Variants in SORCS3 observed in about 807,000 individuals in gnomAD.
SORCS3 encodes sortilin related VPS10 domain containing receptor 3.
SORCS3 carries 57 observed loss-of-function variants against 146.3 expected under a neutral mutation model. The observed-to-expected ratio is 0.39, with a 90% CI of 0.31 to 0.49. The LOEUF (loss-of-function observed/expected upper bound fraction) is 0.49, where lower values mean the gene tolerates loss of function less well. SORCS3 is among the 20% of genes least tolerant of loss of function. The probability of loss-of-function intolerance (pLI) is 0.92; values close to 1 mark genes in which losing one functional copy is unlikely to be tolerated. For missense variants in SORCS3, 1,341 were observed against 1,575.5 expected, an observed-to-expected ratio of 0.85 and a Z score of 2.52; for synonymous variants, 653 against 618.5, an observed-to-expected ratio of 1.06 and a Z score of -0.83.
At chr10:104,754,235 G>T (rs2017021213) in intron 1 of SORCS3, among the ~76,000 whole-genome samples, 2 of 152,158 alleles carry the variant, frequency 1.3e-5, no homozygotes, top group African/African-American at 4.8e-5. Context: ...CCATCACACT[G>T]AGTTTCTCTG....
At chr10:104,842,592 A>C (rs576589566) in intron 1 of SORCS3, among the ~76,000 whole-genome samples, 200 bp from the exon 2 acceptor site, 2 of 152,324 alleles carry the variant, frequency 1.3e-5, no homozygotes, top group South Asian at 4.1e-4. Context: ...AATAAATGCT[A>C]CCAGTTACAG....
At chr10:104,654,816 G>A (rs1228221469) in intron 1 of SORCS3, among the ~76,000 whole-genome samples, 1 of 152,218 alleles carries the variant, frequency 6.6e-6, no homozygotes, top group African/African-American at 2.4e-5. Context: ...AATTAGTGAT[G>A]TGCAACCCTT....
chr10:105,064,643 G>A (rs2055510524), intron 5 of SORCS3, among the ~76,000 whole-genome samples: 1 of 146,338 alleles, frequency 6.8e-6, no homozygotes, highest in Non-Finnish European at 1.6e-5. Context: ...CAGAGATTCT[G>A]GAGTTCTGAT....
chr10:104,935,043 T>G (rs752657856), intron 3 of SORCS3, among the ~76,000 whole-genome samples: 46 of 152,166 alleles, frequency 3.0e-4, no homozygotes, highest in Non-Finnish European at 8.8e-5. Context: ...GGAGGACTAT[T>G]AAGCAATAGT....
intron 2 of SORCS3, among the ~76,000 whole-genome samples, chr10:104,880,515 A>G (rs963484935): frequency 2.0e-4 from 30 of 152,256 alleles, no homozygotes; most frequent in African/African-American, 7.0e-4. Flanking sequence ...ATGCCTAATT[A>G]TAGGATTAAA....
chr10:104,830,595 C>G (rs1206480974), intron 1 of SORCS3, among the ~76,000 whole-genome samples: 1 of 152,126 alleles, frequency 6.6e-6, no homozygotes, highest in African/African-American at 2.4e-5. Context: ...CTCCGCCAGT[C>G]CCCACTCATG....
intron 4 of SORCS3, among the ~76,000 whole-genome samples, chr10:104,990,377 A>G (rs1045616652): frequency 2.0e-5 from 3 of 151,788 alleles, no homozygotes; most frequent in Non-Finnish European, 4.4e-5. Context: ...TTATTTTTTC[A>G]TCTCCCAAAT....
chr10:104,984,924 G>A (rs548265873), intron 4 of SORCS3, among the ~76,000 whole-genome samples: 20 of 152,118 alleles, frequency 1.3e-4, no homozygotes, highest in Non-Finnish European at 2.5e-4. Context: ...GATCATCTGA[G>A]CCTTAAGCAA....
At chr10:104,936,896 G>T (rs1589556652) in intron 3 of SORCS3, among the ~76,000 whole-genome samples, 1 of 152,218 alleles carries the variant, frequency 6.6e-6, no homozygotes, top group African/African-American at 2.4e-5. Flanking sequence ...GTAACACAAA[G>T]GAGGGACTGA....
At chr10:105,205,573 G>A (rs2056597734) in intron 16 of SORCS3, among the ~76,000 whole-genome samples, 1 of 152,176 alleles carries the variant, frequency 6.6e-6, no homozygotes, top group South Asian at 2.1e-4. Flanking sequence ...AAAGGTGCAA[G>A]AGGGGGCTCC....
chr10:104,830,348 A>G (rs887852330), intron 1 of SORCS3, among the ~76,000 whole-genome samples: 8 of 152,184 alleles, frequency 5.3e-5, no homozygotes, highest in African/African-American at 1.7e-4. Context: ...AGGCTGCTCA[A>G]AGATCGGTCA....
chr10:105,054,923 T>A (rs767397802), intron 5 of SORCS3, among the ~76,000 whole-genome samples: 3 of 152,200 alleles, frequency 2.0e-5, no homozygotes, highest in Non-Finnish European at 4.4e-5. Context: ...TTCATCCAAA[T>A]GAATTTAGAA....
intron 3 of SORCS3, among the ~76,000 whole-genome samples, chr10:104,932,810 A>G (rs929014944): frequency 6.6e-6 from 1 of 152,180 alleles, no homozygotes; most frequent in Admixed American, 6.5e-5. Flanking sequence ...CTCCTACCTC[A>G]GAGTCAAGAG....
At chr10:105,134,965 T>C (rs1444030195) in intron 7 of SORCS3, among the ~76,000 whole-genome samples, 1 of 151,982 alleles carries the variant, frequency 6.6e-6, no homozygotes, top group Non-Finnish European at 1.5e-5. Flanking sequence ...AAACAAGTTA[T>C]GTGCCTCTGA....
intron 2 of SORCS3, among the ~76,000 whole-genome samples, chr10:104,851,863 T>C (rs2018277384): frequency 6.6e-6 from 1 of 152,190 alleles, no homozygotes; most frequent in Admixed American, 6.5e-5. Flanking sequence ...ATTAGGAGGT[T>C]TCTGGCAAAT....
chr10:105,051,157 T>G (rs948606790), intron 5 of SORCS3, among the ~76,000 whole-genome samples: 1 of 152,198 alleles, frequency 6.6e-6, no homozygotes, highest in African/African-American at 2.4e-5. Context: ...AATATCTGTG[T>G]ATGTACATAT....
chr10:104,916,120 C>T (rs1303868081), intron 3 of SORCS3, among the ~76,000 whole-genome samples, 188 bp downstream of exon 3: 2 of 152,190 alleles, frequency 1.3e-5, no homozygotes, highest in African/African-American at 4.8e-5. Context: ...ATAATAGTGA[C>T]AGCAGCAGTG....
At chr10:105,096,103 T>TACACAC (rs60438282) in intron 6 of SORCS3, among the ~76,000 whole-genome samples, 3,587 of 145,286 alleles carry the variant, frequency 0.025, 62 homozygotes, top group East Asian at 0.048. Flanking sequence ...ACCTCACAAA[T>TACACAC]ACACACACAC....
At chr10:104,868,124 G>T (rs2018479705) in intron 2 of SORCS3, among the ~76,000 whole-genome samples, 2 of 152,154 alleles carry the variant, frequency 1.3e-5, no homozygotes, top group Admixed American at 1.3e-4. Flanking sequence ...CAGCCCAGGT[G>T]GTTACATTTC....
Sources: allele counts gnomAD v4.1 joint callset (sites outside exome capture counted in the v4.1 genomes callset), GRCh38; gene constraint gnomAD v4.1.1; transcripts MANE v1.5; gene names NCBI Gene and HGNC (gene_info 2026-07-23, HGNC 2026-07-21).